The following SGSM3 variants were observed in gnomAD, a reference collection of about 807,000 sequenced individuals.
SGSM3 encodes RUN and SH3 containing 3.
In SGSM3, 96 loss-of-function variants were observed where a neutral mutation model predicts 100.5. That is an observed-to-expected ratio of 0.96 (90% CI 0.81 to 1.13). The LOEUF (loss-of-function observed/expected upper bound fraction) is 1.13. Among genes scored for constraint, SGSM3 ranks in the 50% most tolerant of loss-of-function variants. The pLI, the probability that SGSM3 is intolerant of heterozygous loss-of-function variation, is 0.00. For synonymous variants in SGSM3, 483 were observed against 422.8 expected (o/e 1.14, Z -1.75); for missense variants, 1,001 against 1,015.8 (o/e 0.99, Z 0.20).
At chr22:40,406,768 G>T in intron 10 of SGSM3, 106 bp downstream of exon 10, 1 of 1,031,462 alleles carries the variant, frequency 9.7e-7, no homozygotes, top group Non-Finnish European at 1.5e-6. Flanking sequence ...AGCCCTTCCT[G>T]CTCTGCCCCC....
rs142270960 is a variant in SGSM3, at chr22:40,407,263, C to T, written c.1303C>T (p.Leu435Phe). ...CAAGCAGACGGAACTGGTGGCTGAC[C>T]TCCGGGAAGCCATCCTGCGCGTGGC... ...NIKQTELVAD[L>F]REAILRVARH... Residue 435 changes from leucine to phenylalanine, a missense_variant, in exon 12 of 22, where the codon CTC becomes TTC. Physicochemically the swap from Leu to Phe is conservative, Grantham distance 22. Coordinates refer to ENST00000248929, the MANE Select transcript of SGSM3 (RefSeq NM_015705.6). The surrounding 1 kb of genome is among the most constrained non-coding windows in gnomAD (Gnocchi z 4.7). 5 of 1,613,598 alleles carry T rather than the reference C, an allele frequency of 3.1e-6. No individual in the cohort carries two copies. Among genetic ancestry groups the T allele is most frequent in the Non-Finnish European group, 4.2e-6 (5 of 1,180,030 alleles).
chr22:40,405,015 G>C (rs759739566), intron 6 of SGSM3, 126 bp from the exon 7 acceptor site: 87 of 1,307,088 alleles, frequency 6.7e-5, no homozygotes, highest in Non-Finnish European at 3.3e-5. Flanking sequence ...CCTGAAGGGA[G>C]GAGGGTGACC....
At position 40,409,249 on chromosome 22, in the gene SGSM3, G is replaced by T; in HGVS notation, c.1989-1G>T. On this transcript the variant is annotated splice_acceptor_variant, in intron 19 of 21. Transcript: ENST00000248929. LOFTEE classifies it high-confidence loss of function. ...CTCCCCACTCCTGGCCATGTCCCCAGTGAGCAGGTGCTGCACCTGTGGCTG... is the reference window on the plus strand; with the variant it reads ...CTCCCCACTCCTGGCCATGTCCCCATTGAGCAGGTGCTGCACCTGTGGCTG... The T allele has an allele frequency of 6.2e-7, 1 of 1,602,020 alleles. No individual in the cohort carries two copies.
intron 1 of SGSM3, among the ~76,000 whole-genome samples, chr22:40,385,954 C>A (rs193124060): frequency 1.3e-5 from 2 of 152,002 alleles, no homozygotes; most frequent in African/African-American, 2.4e-5. Context: ...CGGGCCCAGG[C>A]GATTCTCCTA....
chr22:40,384,345 C>T (rs1402230482), intron 1 of SGSM3, among the ~76,000 whole-genome samples: 2 of 152,098 alleles, frequency 1.3e-5, no homozygotes, highest in Non-Finnish European at 2.9e-5. Context: ...AAAGAATCAT[C>T]TGAGATAGAA....
chr22:40,404,394 C>T lies in SGSM3; in HGVS notation c.305C>T (p.Pro102Leu). The T allele has an allele frequency of 6.2e-7, 1 of 1,608,856 alleles. No homozygotes were observed. Among genetic ancestry groups the T allele is most frequent in the Admixed American group, 1.7e-5 (1 of 59,528 alleles). Residue 102 changes from proline (P) to leucine (L), a missense_variant, in exon 5 of 22, where the codon CCC (proline) becomes CTC (leucine). Pro to Leu is a moderately conservative substitution (Grantham distance 98, BLOSUM62 -3). Coordinates refer to ENST00000248929, the MANE Select transcript of SGSM3 (RefSeq NM_015705.6). ...TGGGACAAGATTGCCGTCTCCCTACCCCGCTCTGAGAAGCTCCGCTCCCTG... is the reference window on the plus strand; with the variant it reads ...TGGGACAAGATTGCCGTCTCCCTACTCCGCTCTGAGAAGCTCCGCTCCCTG... The part of the protein sequence containing the change: ...LTWDKIAVSL[P>L]RSEKLRSLVL...
chr22:40,371,919 G>A (rs980620201), intron 1 of SGSM3, among the ~76,000 whole-genome samples: 2 of 151,638 alleles, frequency 1.3e-5, no homozygotes, highest in Non-Finnish European at 2.9e-5. Context: ...GGCTGGTCTC[G>A]AACTCCTGAC....
Position 40,404,378 on chromosome 22 carries a change from A to G in SGSM3, c.289A>G (p.Ile97Val). ...HDVGDLTWDK[I>V]AVSLPRSEKL... is the part of the protein sequence containing the mutation. ...TGTGGGGGATCTCACCTGGGACAAG[A>G]TTGCCGTCTCCCTACCCCGCTCTGA... Residue 97 changes from isoleucine (I) to valine (V), a missense_variant, in exon 5 of 22, where the codon ATT becomes GTT. Ile to Val is a conservative substitution (Grantham distance 29, BLOSUM62 3). Coordinates refer to ENST00000248929, the MANE Select transcript of SGSM3 (RefSeq NM_015705.6). 6.2e-7 allele frequency: 1 copy of G among 1,608,496 alleles called. No homozygotes were observed. The highest frequency in any genetic ancestry group is 8.5e-7 in the Non-Finnish European group (1 of 1,177,018).
intron 1 of SGSM3, among the ~76,000 whole-genome samples, chr22:40,375,795 T>G (rs187583676): frequency 6.6e-6 from 1 of 151,970 alleles, no homozygotes; most frequent in African/African-American, 2.4e-5. Context: ...CCCAGCACTT[T>G]GGGAGGCTGA....
chr22:40,405,899 G>A (rs914042911), intron 8 of SGSM3, 55 bp downstream of exon 8: 13 of 1,553,304 alleles, frequency 8.4e-6, no homozygotes, highest in African/African-American at 8.2e-5. Context: ...GACTCAGGCG[G>A]GTGGCCGAGT....
At chr22:40,397,968 C>CTTTTTTTT (rs1157147821) in intron 1 of SGSM3, among the ~76,000 whole-genome samples, 5 of 116,438 alleles carry the variant, frequency 4.3e-5, no homozygotes, top group African/African-American at 7.3e-5. Flanking sequence ...CCAATTCTGT[C>CTTTTTTTT]TTTTTTTTTT....
In SGSM3 at chr22:40,399,241, C is replaced by T. The variant is rs536117659; in HGVS notation, c.-111-1455C>T. 7.9e-5 allele frequency among the ~76,000 whole-genome samples: 12 copies of T among 150,988 alleles called. 2 individuals are homozygous for T. In the South Asian group the frequency reaches 2.5e-3, roughly 32 times the overall value. ...CCTCAAGTGATCCGCCCACCTCAGC[C>T]TCCCAAAGTGCTGGGATTACAGGCG... is the stretch of plus-strand genomic sequence containing the variant. On this transcript the variant is annotated intron_variant, in intron 1 of 21. Coordinates refer to ENST00000248929, the MANE Select transcript of SGSM3 (RefSeq NM_015705.6).
rs924069055 is a variant in SGSM3, at chr22:40,404,744, AG to A, written c.474+81del. 7 of 997,902 alleles carry A rather than the reference AG, an allele frequency of 7.0e-6. No individual in the cohort carries two copies. The African/African-American group carries it at 1.1e-4, about 16-fold the overall frequency. The allele number at this position is 997,902 out of a possible 1,614,324, so 61.8% of individuals were successfully genotyped here. ...GAGAGGGAGCCTGCCTGGGGTTCTT[AG>A]AGTGTGCCCTTGTTGTGGGGTAGGG... On this transcript the variant is annotated intron_variant, in intron 6 of 21. Transcript: ENST00000248929.
chr22:40,374,390 G>A (rs758007903), intron 1 of SGSM3, among the ~76,000 whole-genome samples: 4 of 152,220 alleles, frequency 2.6e-5, no homozygotes, highest in Admixed American at 6.5e-5. Context: ...TATACTTTTA[G>A]GGAAAAGCTG....
At chr22:40,381,034 C>T (rs1430897613) in intron 1 of SGSM3, among the ~76,000 whole-genome samples, 1 of 152,114 alleles carries the variant, frequency 6.6e-6, no homozygotes. Context: ...AATGTTTTAG[C>T]ATGATAATGG....
chr22:40,404,067 A>C, intron 4 of SGSM3, 180 bp from the exon 5 acceptor site: 2 of 462,764 alleles, frequency 4.3e-6, no homozygotes, highest in Non-Finnish European at 7.5e-6. Context: ...CTCATGGGGT[A>C]CATGTTAGAG....
At chr22:40,404,482 G>T (rs369162052) in intron 5 of SGSM3, 27 bp downstream of exon 5, 30 of 1,609,834 alleles carry the variant, frequency 1.9e-5, no homozygotes, top group Non-Finnish European at 2.4e-5. Context: ...GACCCACAGG[G>T]TGTTGAGAGG....
chr22:40,389,497 G>C (rs1254699112), intron 1 of SGSM3, among the ~76,000 whole-genome samples: 3 of 151,424 alleles, frequency 2.0e-5, no homozygotes, highest in African/African-American at 7.3e-5. Flanking sequence ...TACTCCGGAG[G>C]CTGAGGCAGG....
chr22:40,407,281 C>G lies in SGSM3; in HGVS notation c.1321C>G (p.Arg441Gly), dbSNP rs151232460. 7.4e-6 allele frequency: 12 copies of G among 1,613,588 alleles called. No homozygotes were observed. Among genetic ancestry groups the G allele is most frequent in the Non-Finnish European group, 1.0e-5 (12 of 1,180,032 alleles). ...GGCTGACCTCCGGGAAGCCATCCTG[C>G]GCGTGGCACGCCACTTCCAGTGCAC... ...LVADLREAIL[R>G]VARHFQCTDP... Residue 441 changes from arginine (R) to glycine (G), a missense_variant, in exon 12 of 22, where the codon CGC becomes GGC. By Grantham distance (125) the Arg-to-Gly change is moderately radical (BLOSUM62 -2). Transcript: ENST00000248929. This position sits in a 1 kb window ranked among gnomAD's most constrained non-coding sequence, Gnocchi z 4.7.
Sources: allele counts gnomAD v4.1 joint callset (sites outside exome capture counted in the v4.1 genomes callset), GRCh38; gene constraint gnomAD v4.1.1; non-coding constraint Gnocchi (gnomAD v3.1); transcripts MANE v1.5; gene names NCBI Gene and HGNC (gene_info 2026-07-23, HGNC 2026-07-21).